The following DNAJA1 variants were observed in gnomAD, a reference collection of about 807,000 sequenced individuals.
The protein encoded by DNAJA1 is dnaJ homolog subfamily A member 1.
Under a neutral mutation model 47.6 loss-of-function variants are expected in DNAJA1, and 26 were observed. That is an observed-to-expected ratio of 0.55 (90% CI 0.40 to 0.76). The LOEUF is 0.76. Among genes scored for constraint, DNAJA1 ranks in the 30% least tolerant of loss-of-function variants. DNAJA1 has a pLI of 0.00. For missense variants in DNAJA1, 315 were observed against 485.0 expected, an observed-to-expected ratio of 0.65 and a Z score of 3.29; for synonymous variants, 165 against 158.4, an observed-to-expected ratio of 1.04 and a Z score of -0.31.
chr9:33,039,129 C>G lies in DNAJA1; in HGVS notation c.*226C>G. ...AGATGAAGTTTAATACCTGTAAAAA[C>G]TACAAAGAAGTTCCCCTAGCATTTC... On this transcript the variant is annotated 3_prime_UTR_variant, in exon 9 of 9. Coordinates refer to ENST00000330899, the MANE Select transcript of DNAJA1 (RefSeq NM_001539.4). The G allele has an allele frequency of 1.9e-6, 1 of 523,680 alleles. No individual in the cohort carries two copies. Among genetic ancestry groups the G allele is most frequent in the South Asian group, 2.2e-5 (1 of 44,942 alleles). 32.4% of individuals were successfully genotyped at this position (523,680 alleles called of 1,614,324 possible).
At chr9:33,037,346 A>G (rs1199974607) in intron 8 of DNAJA1, 1 of 322,040 alleles carries the variant, frequency 3.1e-6, no homozygotes, top group Admixed American at 4.6e-5. Context: ...AAATTTCTGA[A>G]TGCCTCAGAA....
intron 3 of DNAJA1, among the ~76,000 whole-genome samples, chr9:33,027,421 G>A (rs1162898049): frequency 2.6e-5 from 4 of 152,044 alleles, no homozygotes; most frequent in Non-Finnish European, 5.9e-5. Context: ...GCCTCCCAGA[G>A]TGCTGGGATT....
At position 33,032,641 on chromosome 9, in the gene DNAJA1, C is replaced by G. The variant is rs184191004; in HGVS notation, c.644-1575C>G. ...CATTTGTGCTGTGCCTACTCTTACT[C>G]TGTATTCAGGAAAACCTAGCTGAGT... is the stretch of plus-strand genomic sequence containing the variant. On this transcript the variant is annotated intron_variant, in intron 5 of 8. Transcript: ENST00000330899. 4.6e-5 allele frequency among the ~76,000 whole-genome samples: 7 copies of G among 152,330 alleles called. No individual in the cohort carries two copies. The East Asian group carries it at 1.3e-3, about 29-fold the overall frequency.
chr9:33,032,779 G>C (rs1351167096), intron 5 of DNAJA1, among the ~76,000 whole-genome samples: 5 of 152,116 alleles, frequency 3.3e-5, no homozygotes, highest in Non-Finnish European at 7.3e-5. Context: ...TTATTTAAGA[G>C]GTACGTACTG....
At chr9:33,025,869 G>C (rs572350506) in intron 1 of DNAJA1, among the ~76,000 whole-genome samples, 16 of 152,210 alleles carry the variant, frequency 1.1e-4, no homozygotes, top group Non-Finnish European at 2.4e-4. Flanking sequence ...GGTCCAGGGT[G>C]GGAGGGAGAA....
chr9:33,038,866 A>G lies in DNAJA1; in HGVS notation c.1157A>G (p.His386Arg). The G allele has an allele frequency of 6.2e-7, 1 of 1,613,812 alleles. No individual in the cohort carries two copies. The highest frequency in any genetic ancestry group is 8.5e-7 in the Non-Finnish European group (1 of 1,179,964). ...YNGEAYEDDEHHPRGGVQCQT... is the reference protein window; with the variant it reads ...YNGEAYEDDERHPRGGVQCQT... Reference sequence around the variant, plus strand: ...GGAGAAGCATATGAGGATGATGAACATCATCCCAGAGGTGGTGTTCAGTGT... The same window carrying G: ...GGAGAAGCATATGAGGATGATGAACGTCATCCCAGAGGTGGTGTTCAGTGT... The change falls in exon 9 of 9, where the codon CAT becomes CGT. Residue 386 changes from histidine (H) to arginine (R), a missense_variant. His to Arg is a conservative substitution (Grantham distance 29). Coordinates refer to ENST00000330899, the MANE Select transcript of DNAJA1 (RefSeq NM_001539.4).
At chr9:33,038,616 A>G in intron 8 of DNAJA1, 69 bp from the exon 9 acceptor site, 1 of 1,421,012 alleles carries the variant, frequency 7.0e-7, no homozygotes, top group Admixed American at 2.1e-5. Context: ...TTCTGGGGAA[A>G]ATGGGTCCAT....
At position 33,039,120 on chromosome 9, in the gene DNAJA1, C is replaced by T; in HGVS notation, c.*217C>T. 1 of 537,766 alleles carries T rather than the reference C, an allele frequency of 1.9e-6. No homozygotes were observed. Among genetic ancestry groups the T allele is most frequent in the Non-Finnish European group, 3.3e-6 (1 of 302,416 alleles). The allele number at this position is 537,766 out of a possible 1,614,324, so 33.3% of individuals were successfully genotyped here. On this transcript the variant is annotated 3_prime_UTR_variant, in exon 9 of 9. Coordinates refer to ENST00000330899, the MANE Select transcript of DNAJA1 (RefSeq NM_001539.4). Reference sequence around the variant, plus strand: ...CAGTGTGCAAGATGAAGTTTAATACCTGTAAAAACTACAAAGAAGTTCCCC... The same window carrying T: ...CAGTGTGCAAGATGAAGTTTAATACTTGTAAAAACTACAAAGAAGTTCCCC...
intron 8 of DNAJA1, among the ~76,000 whole-genome samples, chr9:33,037,681 CAAAA>C (rs1453319818): frequency 6.6e-6 from 1 of 151,536 alleles, no homozygotes; most frequent in South Asian, 2.1e-4. Flanking sequence ...GACCCTGTCT[CAAAA>C]AAAGAAAAAA....
Position 33,034,213 on chromosome 9 carries a change from T to C in DNAJA1, c.644-3T>C, listed in dbSNP as rs779645981. Reference sequence around the variant, plus strand: ...AAGTACAAAATTAATGTTTTGTTTTTAGGCATGAAAGATGGCCAGAAGATA... The same window carrying C: ...AAGTACAAAATTAATGTTTTGTTTTCAGGCATGAAAGATGGCCAGAAGATA... On this transcript the variant is annotated splice_region_variant and splice_polypyrimidine_tract_variant and intron_variant, in intron 5 of 8. Transcript: ENST00000330899. The C allele has an allele frequency of 8.2e-5, 129 of 1,573,858 alleles. No homozygotes were observed. Among genetic ancestry groups the C allele is most frequent in the Non-Finnish European group, 8.3e-5 (97 of 1,165,242 alleles).
intron 1 of DNAJA1, among the ~76,000 whole-genome samples, chr9:33,026,073 A>G (rs993612011): frequency 1.3e-5 from 2 of 152,142 alleles, no homozygotes; most frequent in African/African-American, 4.8e-5. Flanking sequence ...TTTTCTGGAG[A>G]GTATATGGAG....
chr9:33,036,710 TA>T, intron 7 of DNAJA1, 21 bp downstream of exon 7: 2 of 1,546,464 alleles, frequency 1.3e-6, no homozygotes, highest in East Asian at 4.5e-5. Context: ...TAGGCAAGCT[TA>T]AACTTCTCTT....
intron 5 of DNAJA1, 43 bp downstream of exon 5, chr9:33,030,710 C>T (rs1838947619): frequency 6.8e-7 from 1 of 1,460,422 alleles, no homozygotes; most frequent in Non-Finnish European, 9.4e-7. Context: ...AATGCTGTGG[C>T]AGATTTATTA....
chr9:33,027,061 A>G, intron 3 of DNAJA1, 71 bp downstream of exon 3: 1 of 1,565,392 alleles, frequency 6.4e-7, no homozygotes, highest in Non-Finnish European at 8.7e-7. Flanking sequence ...TTGAGAAATC[A>G]CCCATTTTAA....
chr9:33,030,101 A>G (rs1007144787), intron 4 of DNAJA1, 112 bp downstream of exon 4: 5 of 1,043,676 alleles, frequency 4.8e-6, no homozygotes, highest in East Asian at 5.2e-5. Flanking sequence ...CATGTACACT[A>G]CCTAGATTTT....
rs1413215585 is a variant in DNAJA1, at chr9:33,038,971, CAT to C, written c.*70_*71del. On this transcript the variant is annotated 3_prime_UTR_variant, in exon 9 of 9. Transcript: ENST00000330899. ...TAGTGAATGAGTGAAGGACTGTAAT[CAT>C]AATATGCTCACTACTTGCTCTTGTT... 1 of 1,356,954 alleles carries C rather than the reference CAT, an allele frequency of 7.4e-7. No individual in the cohort carries two copies. 84.1% of individuals were successfully genotyped at this position (1,356,954 alleles called of 1,614,324 possible). A position where few individuals can be genotyped will look rare whatever the true frequency, so the allele number is the denominator to read the frequency against.
At chr9:33,027,341 G>A (rs1838889635) in intron 3 of DNAJA1, among the ~76,000 whole-genome samples, 1 of 151,900 alleles carries the variant, frequency 6.6e-6, no homozygotes, top group Admixed American at 6.6e-5. Flanking sequence ...TTTTAGTAGA[G>A]ATGGGGTTTC....
intron 5 of DNAJA1, 136 bp from the exon 6 acceptor site, chr9:33,034,080 G>A (rs1839000418): frequency 1.8e-6 from 1 of 563,924 alleles, no homozygotes; most frequent in South Asian, 2.6e-5. Flanking sequence ...GAGCAAATTG[G>A]ACTGAACTAC....
chr9:33,028,904 G>A (rs781179371), intron 3 of DNAJA1, among the ~76,000 whole-genome samples: 1 of 152,186 alleles, frequency 6.6e-6, no homozygotes, highest in African/African-American at 2.4e-5. Context: ...ATGTTCATTA[G>A]GCATATTGTA....
Sources: allele counts gnomAD v4.1 joint callset (sites outside exome capture counted in the v4.1 genomes callset), GRCh38; gene constraint gnomAD v4.1.1; transcripts MANE v1.5; gene names NCBI Gene and HGNC (gene_info 2026-07-23, HGNC 2026-07-21).